SNTG1: variants seen among roughly 807,000 people sequenced by gnomAD.
SNTG1 encodes the protein syntrophin gamma 1, also known as gamma-1-syntrophin.
Under a neutral mutation model 74.7 loss-of-function variants are expected in SNTG1, and 39 were observed. The ratio of observed to expected loss-of-function variants is 0.52; its 90% CI spans 0.40 to 0.68. The LOEUF (loss-of-function observed/expected upper bound fraction) is 0.68. Ranked by LOEUF, SNTG1 falls within the 30% of genes least tolerant of loss-of-function variation. SNTG1 has a pLI of 0.00. For synonymous variants in SNTG1, 254 were observed against 217.1 expected, an observed-to-expected ratio of 1.17 and a Z score of -1.49; for missense variants, 685 against 609.5, an observed-to-expected ratio of 1.12 and a Z score of -1.30.
At chr8:50,165,778 C>T (rs1278945446) in intron 1 of SNTG1, among the ~76,000 whole-genome samples, 1 of 152,142 alleles carries the variant, frequency 6.6e-6, no homozygotes. Context: ...TGTCATATAA[C>T]CAATGGGCAT....
At position 50,028,043 on chromosome 8, in the gene SNTG1, C is replaced by T. The variant is rs1022464246; in HGVS notation, c.-103+115812C>T. On this transcript the variant is annotated intron_variant, in intron 1 of 18. Coordinates refer to ENST00000642720, the MANE Select transcript of SNTG1 (RefSeq NM_018967.5). ...GTGTGTGTAGTTCTATGTCACATTACCACATGTTCTTGAAACCACCACTGG... is the reference window on the plus strand; with the variant it reads ...GTGTGTGTAGTTCTATGTCACATTATCACATGTTCTTGAAACCACCACTGG... Among the ~76,000 whole-genome samples, 6 of 152,062 alleles carry T rather than the reference C, an allele frequency of 3.9e-5. No individual in the cohort carries two copies. The East Asian group carries it at 1.2e-3, about 29-fold the overall frequency.
At chr8:49,949,588 T>A (rs575344702) in intron 1 of SNTG1, among the ~76,000 whole-genome samples, 60 of 152,332 alleles carry the variant, frequency 3.9e-4, no homozygotes, top group African/African-American at 1.3e-3. Context: ...CATTACTTCA[T>A]AGATGGACTC....
intron 9 of SNTG1, among the ~76,000 whole-genome samples, chr8:50,507,085 G>A: frequency 6.6e-6 from 1 of 151,734 alleles, no homozygotes; most frequent in East Asian, 1.9e-4. Flanking sequence ...GTCTATGTGG[G>A]ATTTTTTTTT....
At chr8:50,070,644 G>GA (rs1233549733) in intron 1 of SNTG1, among the ~76,000 whole-genome samples, 1 of 152,138 alleles carries the variant, frequency 6.6e-6, no homozygotes, top group African/African-American at 2.4e-5. Flanking sequence ...AAAACAAAAA[G>GA]AAATGATTTC....
chr8:50,470,922 C>A (rs1023295749), intron 8 of SNTG1, among the ~76,000 whole-genome samples: 1 of 152,148 alleles, frequency 6.6e-6, no homozygotes, highest in Non-Finnish European at 1.5e-5. Context: ...TTACAGAGAG[C>A]TAATTTGTCC....
intron 1 of SNTG1, among the ~76,000 whole-genome samples, chr8:50,016,442 T>C (rs1012515431): frequency 6.6e-6 from 1 of 152,160 alleles, no homozygotes. Context: ...TGGCAACTTC[T>C]TGTATAGTTG....
chr8:50,729,911 G>T (rs767770408), intron 17 of SNTG1, among the ~76,000 whole-genome samples: 5 of 152,076 alleles, frequency 3.3e-5, no homozygotes, highest in Non-Finnish European at 5.9e-5. Flanking sequence ...CATTATGATG[G>T]GTAAAAAGGC....
intron 1 of SNTG1, among the ~76,000 whole-genome samples, chr8:50,146,887 A>C (rs1340544074): frequency 1.3e-5 from 2 of 151,718 alleles, no homozygotes; most frequent in Non-Finnish European, 2.9e-5. Context: ...GTTGAGTTTT[A>C]AGATTTTTTT....
At chr8:50,270,621 C>T (rs1274771383) in intron 2 of SNTG1, among the ~76,000 whole-genome samples, 2 of 152,080 alleles carry the variant, frequency 1.3e-5, no homozygotes, top group Non-Finnish European at 2.9e-5. Flanking sequence ...CCTGTGAAGT[C>T]AATGAGGGAA....
At chr8:50,146,756 G>C (rs1015331203) in intron 1 of SNTG1, among the ~76,000 whole-genome samples, 1 of 152,088 alleles carries the variant, frequency 6.6e-6, no homozygotes, top group African/African-American at 2.4e-5. Context: ...AAATTATGTA[G>C]TGGCCTTTCA....
chr8:50,047,155 A>G (rs902610229), intron 1 of SNTG1, among the ~76,000 whole-genome samples: 2 of 152,104 alleles, frequency 1.3e-5, no homozygotes, highest in African/African-American at 4.8e-5. Context: ...CCTGGACAAC[A>G]TGGTAAAACC....
chr8:50,445,368 C>A (rs2131599328), intron 5 of SNTG1, among the ~76,000 whole-genome samples: 1 of 152,176 alleles, frequency 6.6e-6, no homozygotes, highest in East Asian at 1.9e-4. Flanking sequence ...TTCCCTGCAC[C>A]CCCATGCCCA....
intron 1 of SNTG1, among the ~76,000 whole-genome samples, chr8:50,087,636 C>A (rs1394348729): frequency 6.6e-6 from 1 of 152,036 alleles, no homozygotes; most frequent in East Asian, 1.9e-4. Flanking sequence ...TTAATCAAAG[C>A]ATAAACTTAA....
intron 2 of SNTG1, among the ~76,000 whole-genome samples, chr8:50,270,214 C>T (rs2130265422): frequency 6.6e-6 from 1 of 152,114 alleles, no homozygotes; most frequent in African/African-American, 2.4e-5. Context: ...GTTTTGAATG[C>T]CAGGTTAAGA....
intron 2 of SNTG1, among the ~76,000 whole-genome samples, chr8:50,347,930 T>C (rs11984985): frequency 0.065 from 9,948 of 152,226 alleles, 352 homozygotes; most frequent in African/African-American, 0.072. Context: ...CCCTCATGAG[T>C]CATGAAAATA....
At chr8:50,660,772 A>G (rs2095218708) in intron 15 of SNTG1, among the ~76,000 whole-genome samples, 1 of 152,058 alleles carries the variant, frequency 6.6e-6, no homozygotes, top group Non-Finnish European at 1.5e-5. Flanking sequence ...GGATAATTTT[A>G]AAGGAAATAA....
chr8:50,002,385 G>GA (rs1313422965), intron 1 of SNTG1, among the ~76,000 whole-genome samples: 2 of 151,836 alleles, frequency 1.3e-5, no homozygotes, highest in Admixed American at 6.6e-5. Context: ...TATGTATGTA[G>GA]AAAAAAAGAT....
At chr8:50,621,327 A>T (rs978697460) in intron 13 of SNTG1, among the ~76,000 whole-genome samples, 1 of 152,152 alleles carries the variant, frequency 6.6e-6, no homozygotes, top group Non-Finnish European at 1.5e-5. Flanking sequence ...CTACCCCAAG[A>T]TACGGCCTTA....
chr8:50,248,229 G>A (rs953903769), intron 2 of SNTG1, among the ~76,000 whole-genome samples: 1 of 152,078 alleles, frequency 6.6e-6, no homozygotes, highest in Admixed American at 6.6e-5. Flanking sequence ...GTGGGGGAGG[G>A]AAATTGTCAA....
Sources: allele counts gnomAD v4.1 joint callset (sites outside exome capture counted in the v4.1 genomes callset), GRCh38; gene constraint gnomAD v4.1.1; transcripts MANE v1.5; gene names NCBI Gene and HGNC (gene_info 2026-07-23, HGNC 2026-07-21).